The following PLEKHA1 variants were observed in gnomAD, a reference collection of about 807,000 sequenced individuals.
PLEKHA1 encodes pleckstrin homology domain containing A1, also known as pleckstrin homology domain-containing family A member 1.
Under a neutral mutation model 52.0 loss-of-function variants are expected in PLEKHA1, and 34 were observed. That is an observed-to-expected ratio of 0.65 (90% CI 0.50 to 0.87). The LOEUF is 0.87. PLEKHA1 is among the 40% of genes least tolerant of loss of function. The pLI, the probability that PLEKHA1 is intolerant of heterozygous loss-of-function variation, is 0.00. For missense variants in PLEKHA1, 497 were observed against 504.2 expected (o/e 0.99, Z 0.14); for synonymous variants, 163 against 170.7 (o/e 0.95, Z 0.35).
Position 122,375,084 on chromosome 10 carries a change from C to G in PLEKHA1, c.-21+278C>G, listed in dbSNP as rs1162665721. ...GCGGGAGGGGGCGGCGTCTTCTTCC[C>G]GTGGGTCCCCGATTGTTTTCCCGAC... is the stretch of plus-strand genomic sequence containing the variant. On this transcript the variant is annotated intron_variant, in intron 1 of 11. Transcript: ENST00000368990. The G allele has an allele frequency of 3.3e-5, 5 of 151,908 alleles. No individual in the cohort carries two copies. The East Asian group carries it at 9.8e-4, about 30-fold the overall frequency. 9.4% of individuals were successfully genotyped at this position (151,908 alleles called of 1,614,324 possible).
chr10:122,377,115 T>C (rs2096549299), intron 1 of PLEKHA1, among the ~76,000 whole-genome samples: 1 of 152,230 alleles, frequency 6.6e-6, no homozygotes, highest in Non-Finnish European at 1.5e-5. Context: ...TTTATTAATA[T>C]AATTTAAGTC....
chr10:122,390,959 T>C (rs1319816796), intron 1 of PLEKHA1, among the ~76,000 whole-genome samples: 1 of 152,154 alleles, frequency 6.6e-6, no homozygotes, highest in Non-Finnish European at 1.5e-5. Context: ...CCAACACTTG[T>C]TATTTTCCTC....
At chr10:122,435,803 C>T (rs2097435477), downstream of PLEKHA1, 1 of 151,350 alleles carries the variant, frequency 6.6e-6, no homozygotes, top group South Asian at 2.1e-4. Context: ...CCTGTAGTCC[C>T]AGCTATTCAG....
chr10:122,417,645 C>CA (rs373627172), intron 7 of PLEKHA1, among the ~76,000 whole-genome samples: 21,595 of 93,928 alleles, frequency 0.23, 2,283 homozygotes, highest in Middle Eastern at 0.3. Flanking sequence ...GACTCTGTCT[C>CA]AAAAAAAAAA....
intron 6 of PLEKHA1, among the ~76,000 whole-genome samples, chr10:122,414,743 A>G (rs2097150424): frequency 6.6e-6 from 1 of 152,188 alleles, no homozygotes; most frequent in African/African-American, 2.4e-5. Flanking sequence ...TAAGAGCACA[A>G]TAAAAGATCA....
Position 122,412,664 on chromosome 10 carries a change from C to T in PLEKHA1, c.343-256C>T, listed in dbSNP as rs546918623. On this transcript the variant is annotated intron_variant, in intron 5 of 11. Transcript: ENST00000368990. ...GTAGAGCCCCTATGCATAGGGTAGA[C>T]AGGAGTAGTAAAGGAGAAAAATGTG... 8.9e-4 allele frequency: 377 copies of T among 423,800 alleles called. 1 individual carries two copies. The South Asian group carries it at 9.1e-3, about 10-fold the overall frequency. 26.3% of individuals were successfully genotyped at this position (423,800 alleles called of 1,614,324 possible).
At chr10:122,401,133 G>A (rs558317900) in intron 4 of PLEKHA1, among the ~76,000 whole-genome samples, 1 of 152,240 alleles carries the variant, frequency 6.6e-6, no homozygotes, top group African/African-American at 2.4e-5. Context: ...AGAGGCTTGT[G>A]GGGAGAAGAG....
intron 8 of PLEKHA1, chr10:122,418,443 G>T (rs559597946): frequency 2.0e-5 from 3 of 152,768 alleles, no homozygotes; most frequent in African/African-American, 7.2e-5. Context: ...TATATGATGA[G>T]GAATGAGATA....
At position 122,429,736 on chromosome 10, in the gene PLEKHA1, C is replaced by T; in HGVS notation, c.1013C>T (p.Thr338Ile). ...AGCAACTCTTTGGTCTCAACCTTTA[C>T]CATGGAGAAGCGAGGATTTTACGAG... is the stretch of plus-strand genomic sequence containing the variant. ...SRSNSLVSTF[T>I]MEKRGFYESL... The change falls in exon 12 of 12, where the codon ACC (threonine) becomes ATC (isoleucine). Residue 338 changes from threonine (T) to isoleucine (I), a missense_variant. Physicochemically the swap from Thr to Ile is moderately conservative, Grantham distance 89. Transcript: ENST00000368990. The T allele has an allele frequency of 6.2e-7, 1 of 1,614,158 alleles. No homozygotes were observed. Among genetic ancestry groups the T allele is most frequent in the South Asian group, 1.1e-5 (1 of 91,080 alleles).
intron 1 of PLEKHA1, among the ~76,000 whole-genome samples, chr10:122,375,829 C>T (rs1020524365): frequency 4.6e-5 from 7 of 152,178 alleles, no homozygotes; most frequent in African/African-American, 1.7e-4. Context: ...TCCAATTCTG[C>T]AGTACTGGTT....
chr10:122,406,064 C>T (rs1190392967), intron 4 of PLEKHA1, among the ~76,000 whole-genome samples: 4 of 152,168 alleles, frequency 2.6e-5, no homozygotes, highest in Non-Finnish European at 5.9e-5. Flanking sequence ...GAGGTATCCA[C>T]AGGTGCTAAC....
chr10:122,418,139 A>G (rs2097205264), intron 8 of PLEKHA1, 171 bp downstream of exon 8: 6 of 494,548 alleles, frequency 1.2e-5, no homozygotes, highest in African/African-American at 2.0e-5. Context: ...TTTTTCTTAA[A>G]TACATTTTTA....
intron 3 of PLEKHA1, among the ~76,000 whole-genome samples, chr10:122,398,665 T>C (rs926534915): frequency 4.6e-5 from 7 of 151,930 alleles, no homozygotes; most frequent in Admixed American, 1.3e-4. Context: ...TGATTACTTA[T>C]ATATGAGATG....
At chr10:122,396,504 ATAAT>A (rs2096851224) in intron 2 of PLEKHA1, among the ~76,000 whole-genome samples, 1 of 152,128 alleles carries the variant, frequency 6.6e-6, no homozygotes, top group Non-Finnish European at 1.5e-5. Flanking sequence ...AAAGCAGAAC[ATAAT>A]TAATGGAGTT....
chr10:122,382,791 T>C (rs1435431797), intron 1 of PLEKHA1, among the ~76,000 whole-genome samples: 1 of 152,246 alleles, frequency 6.6e-6, no homozygotes, highest in Non-Finnish European at 1.5e-5. Flanking sequence ...ATGTTTTCTT[T>C]TATTTTAAAT....
In PLEKHA1 at chr10:122,392,595, G is replaced by T. The variant is rs775476536; in HGVS notation, c.-20-586G>T. Reference sequence around the variant, plus strand: ...CATAAGATAGGAGATCTAGAGTGCGGTAATCTGGATTCAGGCTTTGACTCT... The same window carrying T: ...CATAAGATAGGAGATCTAGAGTGCGTTAATCTGGATTCAGGCTTTGACTCT... On this transcript the variant is annotated intron_variant, in intron 1 of 11. Coordinates refer to ENST00000368990, the MANE Select transcript of PLEKHA1 (RefSeq NM_001001974.4). 1.0e-3 allele frequency among the ~76,000 whole-genome samples: 157 copies of T among 152,004 alleles called. 1 individual carries two copies. The highest frequency in any genetic ancestry group is 1.6e-3 in the Non-Finnish European group (110 of 67,910).
chr10:122,428,598 G>A (rs1427252391), intron 11 of PLEKHA1, among the ~76,000 whole-genome samples: 2 of 152,182 alleles, frequency 1.3e-5, no homozygotes, highest in Non-Finnish European at 2.9e-5. Context: ...CTCAACTGCT[G>A]CAAGAGTTTC....
chr10:122,405,825 AG>A (rs1349830232), intron 4 of PLEKHA1, among the ~76,000 whole-genome samples: 2 of 152,240 alleles, frequency 1.3e-5, no homozygotes, highest in South Asian at 4.2e-4. Context: ...AGGCTGGCAT[AG>A]GGGGCAGGAA....
At position 122,424,235 on chromosome 10, in the gene PLEKHA1, G is replaced by A; in HGVS notation, c.718G>A (p.Val240Ile). 1 of 1,587,294 alleles carries A rather than the reference G, an allele frequency of 6.3e-7. No homozygotes were observed. The highest frequency in any genetic ancestry group is 8.5e-7 in the Non-Finnish European group (1 of 1,172,434). The stretch of plus-strand genomic sequence containing the variant: ...TCTTCGTGTAATACCACTTAAAGAG[G>A]TTCATAAAGTCCAGGAATGTAAGCA... ...EPLRVIPLKEVHKVQECKQSD... is the reference protein window; with the variant it reads ...EPLRVIPLKEIHKVQECKQSD... Residue 240 changes from valine to isoleucine, a missense_variant, in exon 9 of 12, where the codon GTT (valine) becomes ATT (isoleucine). Val to Ile is a conservative substitution (Grantham distance 29, BLOSUM62 3). Transcript: ENST00000368990.
Sources: gnomAD v4.1 joint callset for allele counts (sites outside exome capture counted in the v4.1 genomes callset) on GRCh38, gnomAD v4.1.1 for gene constraint, MANE v1.5 for transcripts, NCBI Gene and HGNC (gene_info 2026-07-23, HGNC 2026-07-21) for gene names.